ADGRG5: variants seen among roughly 807,000 people sequenced by gnomAD.
ADGRG5 encodes the protein adhesion G protein-coupled receptor G5, also known as G protein-coupled receptor 114.
Under a neutral mutation model 53.2 loss-of-function variants are expected in ADGRG5, and 37 were observed. The observed-to-expected ratio is 0.70, with a 90% confidence interval of 0.53 to 0.91. ADGRG5 has a LOEUF of 0.91. Ranked by LOEUF, ADGRG5 falls within the 40% of genes least tolerant of loss-of-function variation. The pLI is 0.00. For synonymous variants in ADGRG5, 277 were observed against 290.4 expected (o/e 0.95, Z 0.47); for missense variants, 614 against 675.8 (o/e 0.91, Z 1.01).
the ADGRG5 span, among the ~76,000 whole-genome samples, chr16:57,530,347 C>T: frequency 6.6e-6 from 1 of 152,140 alleles, no homozygotes; most frequent in Non-Finnish European, 1.5e-5. Flanking sequence ...CCCTCCACTG[C>T]GGCCTCTGTT....
At chr16:57,571,032 G>T (rs1263822345) in intron 10 of ADGRG5, among the ~76,000 whole-genome samples, 1 of 152,220 alleles carries the variant, frequency 6.6e-6, no homozygotes. Context: ...GGCCTTTAGG[G>T]GCCGGGGGAC....
intron 1 of ADGRG5, among the ~76,000 whole-genome samples, chr16:57,553,512 A>G (rs755533697): frequency 6.6e-6 from 1 of 152,056 alleles, no homozygotes; most frequent in African/African-American, 2.4e-5. Context: ...AAATTTTTGG[A>G]CTCTCTATTC....
At chr16:57,533,585 C>T in the ADGRG5 span, among the ~76,000 whole-genome samples, 9 of 150,866 alleles carry the variant, frequency 6.0e-5, no homozygotes, top group African/African-American at 9.8e-5. Context: ...CCCAGTAACG[C>T]GCACACTCAC....
intron 1 of ADGRG5, among the ~76,000 whole-genome samples, chr16:57,548,019 A>G (rs2032659816): frequency 6.6e-6 from 1 of 152,066 alleles, no homozygotes; most frequent in East Asian, 1.9e-4. Flanking sequence ...GCGTGCTGGG[A>G]TTACAGGTAT....
chr16:57,550,670 CACAGT>C (rs2032725195), intron 1 of ADGRG5, among the ~76,000 whole-genome samples: 1 of 152,036 alleles, frequency 6.6e-6, no homozygotes, highest in Non-Finnish European at 1.5e-5. Flanking sequence ...TTTAGACCAC[CACAGT>C]AAAGCAAATA....
chr16:57,531,678 A>G, the ADGRG5 span, among the ~76,000 whole-genome samples: 1 of 152,230 alleles, frequency 6.6e-6, no homozygotes, highest in East Asian at 1.9e-4. Context: ...CAATCCCAGC[A>G]GGAGCCGCAA....
chr16:57,537,200 C>T, the ADGRG5 span, among the ~76,000 whole-genome samples: 1 of 152,110 alleles, frequency 6.6e-6, no homozygotes. Flanking sequence ...GGACGCCCAG[C>T]TGTTTTGGGG....
chr16:57,554,438 G>A (rs771472470), intron 1 of ADGRG5, among the ~76,000 whole-genome samples: 8 of 150,978 alleles, frequency 5.3e-5, no homozygotes, highest in Admixed American at 1.3e-4. Flanking sequence ...GTGCAGTGGC[G>A]CAATCTCAGC....
chr16:57,537,162 C>G, the ADGRG5 span, among the ~76,000 whole-genome samples: 1 of 152,146 alleles, frequency 6.6e-6, no homozygotes, highest in African/African-American at 2.4e-5. Flanking sequence ...TTGGCAGGCC[C>G]TGGGGAATTA....
the ADGRG5 span, among the ~76,000 whole-genome samples, chr16:57,533,373 C>T: frequency 1.3e-5 from 2 of 152,032 alleles, no homozygotes; most frequent in South Asian, 4.1e-4. Flanking sequence ...CACATAGACC[C>T]AAGGGCAGCC....
chr16:57,572,574 C>T (rs2033392555), intron 10 of ADGRG5, among the ~76,000 whole-genome samples: 1 of 152,190 alleles, frequency 6.6e-6, no homozygotes, highest in Non-Finnish European at 1.5e-5. Flanking sequence ...TGCCTGTAAT[C>T]CCAGCTACTC....
chr16:57,534,653 GTGA>G, the ADGRG5 span, among the ~76,000 whole-genome samples: 2 of 152,170 alleles, frequency 1.3e-5, no homozygotes, highest in African/African-American at 4.8e-5. Flanking sequence ...CAGCAGATGC[GTGA>G]TGGATGGAAG....
intron 1 of ADGRG5, among the ~76,000 whole-genome samples, chr16:57,551,177 C>T (rs1397391233): frequency 3.9e-5 from 6 of 152,198 alleles, no homozygotes; most frequent in Admixed American, 6.5e-5. Flanking sequence ...ACAAATCACA[C>T]GCTTTTTTGC....
chr16:57,567,800 G>C lies in ADGRG5; in HGVS notation c.822-56G>C, dbSNP rs1262746263. 5 of 1,561,536 alleles carry C rather than the reference G, an allele frequency of 3.2e-6. No homozygotes were observed. The East Asian group carries it at 9.1e-5, about 29-fold the overall frequency. On this transcript the variant is annotated intron_variant, in intron 8 of 11. Transcript: ENST00000349457. ...CGGCATGCACCTATGCACCCAGTGG[G>C]TAGTGCTGCCTGGGTGATGTCCCTG...
At chr16:57,549,995 A>G (rs2032709274) in intron 1 of ADGRG5, among the ~76,000 whole-genome samples, 1 of 151,142 alleles carries the variant, frequency 6.6e-6, no homozygotes, top group South Asian at 2.1e-4. Context: ...TTTTTTTTTA[A>G]CATGTAGTTC....
rs1457129431 is a variant in ADGRG5, at chr16:57,577,136, C to CT, written c.*1599dup. On this transcript the variant is annotated 3_prime_UTR_variant, in exon 12 of 12. Coordinates refer to ENST00000349457, the MANE Select transcript of ADGRG5 (RefSeq NM_001304376.3). ...GCCATAGTGGTACCTATTTTGAAGACTAAGTAAAAGAATTCAAATAAAGAG... is the reference window on the plus strand; with the variant it reads ...GCCATAGTGGTACCTATTTTGAAGACTTAAGTAAAAGAATTCAAATAAAGAG... 6.6e-6 allele frequency: 1 copy of CT among 152,266 alleles called. No homozygotes were observed. The highest frequency in any genetic ancestry group is 1.9e-4 in the East Asian group (1 of 5,178). The allele number at this position is 152,266 out of a possible 1,614,324, so 9.4% of individuals were successfully genotyped here. A position where few individuals can be genotyped will look rare whatever the true frequency, so the allele number is the denominator to read the frequency against.
intron 1 of ADGRG5, among the ~76,000 whole-genome samples, chr16:57,549,795 A>G (rs79881304): frequency 0.01 from 1,564 of 152,266 alleles, 26 homozygotes; most frequent in African/African-American, 0.035. Flanking sequence ...TTCCACTTCC[A>G]TGTTACATTC....
upstream of ADGRG5, among the ~76,000 whole-genome samples, chr16:57,540,262 A>AAACC (rs1374517947): frequency 1.3e-5 from 2 of 152,094 alleles, no homozygotes; most frequent in African/African-American, 4.8e-5. Context: ...ACAAACAAAC[A>AAACC]AAAAACAAAA....
chr16:57,562,424 G>A lies in ADGRG5; in HGVS notation c.105G>A (p.Gln35=), dbSNP rs753467266. Residue 35 remains glutamine (Q), a synonymous_variant, in exon 3 of 12, where the codon CAG becomes CAA. Transcript: ENST00000349457. ...EELLSYMENM[Q]VSRGRSSVFS... is the part of the protein sequence containing the mutation. Reference sequence around the variant, plus strand: ...TCCTGAGCTACATGGAGAATATGCAGGTGTCCAGGGGCCGGAGCTCAGTTT... The same window carrying A: ...TCCTGAGCTACATGGAGAATATGCAAGTGTCCAGGGGCCGGAGCTCAGTTT... The A allele has an allele frequency of 6.2e-7, 1 of 1,607,920 alleles. No homozygotes were observed. The highest frequency in any genetic ancestry group is 8.5e-7 in the Non-Finnish European group (1 of 1,177,454).
Sources: gnomAD v4.1 joint callset for allele counts (sites outside exome capture counted in the v4.1 genomes callset) on GRCh38, gnomAD v4.1.1 for gene constraint, MANE v1.5 for transcripts, NCBI Gene and HGNC (gene_info 2026-07-23, HGNC 2026-07-21) for gene names.